The following RNF111 variants were observed in gnomAD, a reference collection of about 807,000 sequenced individuals.
The protein encoded by RNF111 is E3 ubiquitin-protein ligase Arkadia.
A neutral mutation model predicts 95.1 loss-of-function variants in RNF111; 17 were observed. That is an observed-to-expected ratio of 0.18 (90% CI 0.12 to 0.27). RNF111 has a LOEUF of 0.27. Among genes scored for constraint, RNF111 ranks in the 10% least tolerant of loss-of-function variants. The pLI is 1.00. For synonymous variants in RNF111, 440 were observed against 414.8 expected (o/e 1.06, Z -0.74); for missense variants, 1,189 against 1,210.4 (o/e 0.98, Z 0.26).
At chr15:59,028,717 T>C (rs1450334165) in intron 1 of RNF111, among the ~76,000 whole-genome samples, 1 of 152,234 alleles carries the variant, frequency 6.6e-6, no homozygotes, top group Non-Finnish European at 1.5e-5. Flanking sequence ...AATATGTGTT[T>C]TCATTTCTCT....
At chr15:59,007,286 T>C (rs1231799866) in intron 1 of RNF111, among the ~76,000 whole-genome samples, 1 of 151,762 alleles carries the variant, frequency 6.6e-6, no homozygotes, top group Non-Finnish European at 1.5e-5. Flanking sequence ...TTTTTTTTAC[T>C]TTAGGTTAGC....
At chr15:59,054,327 C>T (rs960453797) in intron 3 of RNF111, among the ~76,000 whole-genome samples, 1 of 152,090 alleles carries the variant, frequency 6.6e-6, no homozygotes, top group Non-Finnish European at 1.5e-5. Context: ...GCCACTAATA[C>T]CTCCTTGAGA....
Position 59,052,292 on chromosome 15 carries a change from T to C in RNF111, c.881-13T>C. 2 of 1,550,674 alleles carry C rather than the reference T, an allele frequency of 1.3e-6. No homozygotes were observed. Among genetic ancestry groups the C allele is most frequent in the African/African-American group, 1.4e-5 (1 of 72,100 alleles). ...GGAAGATGCCTTTAAATGTTTTTTC[T>C]TTTTGTTTCCAGGAAGTATTGATGA... is the stretch of plus-strand genomic sequence containing the variant. On this transcript the variant is annotated splice_polypyrimidine_tract_variant and intron_variant, in intron 2 of 13. Transcript: ENST00000348370.
intron 1 of RNF111, among the ~76,000 whole-genome samples, chr15:59,016,146 TA>T (rs1196716784): frequency 3.3e-5 from 5 of 150,770 alleles, no homozygotes; most frequent in African/African-American, 1.2e-4. Flanking sequence ...CAATTTTGGT[TA>T]AAAAATATAT....
intron 2 of RNF111, among the ~76,000 whole-genome samples, chr15:59,051,771 CAATAAATA>C (rs56358103): frequency 2.7e-4 from 40 of 149,794 alleles, no homozygotes; most frequent in Admixed American, 6.0e-4. Flanking sequence ...GAAACTGTCT[CAATAAATA>C]AATAAATAAA....
chr15:58,993,555 C>T (rs1423101599), intron 1 of RNF111, among the ~76,000 whole-genome samples: 1 of 152,054 alleles, frequency 6.6e-6, no homozygotes, highest in Non-Finnish European at 1.5e-5. Flanking sequence ...GTGAAAGTAC[C>T]ATATTTAAGT....
intron 7 of RNF111, among the ~76,000 whole-genome samples, chr15:59,079,120 C>G (rs1226683402): frequency 1.3e-5 from 2 of 152,134 alleles, no homozygotes; most frequent in East Asian, 3.9e-4. Flanking sequence ...GGTCAGCAAC[C>G]TGTTTTGTTT....
intron 1 of RNF111, among the ~76,000 whole-genome samples, chr15:59,015,420 A>G (rs2040019517): frequency 6.6e-6 from 1 of 152,172 alleles, no homozygotes; most frequent in South Asian, 2.1e-4. Flanking sequence ...TAATATTGTT[A>G]GTCACAATTG....
rs150187404 is a variant in RNF111, at chr15:59,031,422, C to G, written c.600C>G (p.Pro200=). ...ESVSGLLMKR[P]CLHGSSLRRL... ...TATCGGGATTGTTAATGAAAAGACCCTGTTTACATGGCAGTTCGTTACGGA... is the reference window on the plus strand; with the variant it reads ...TATCGGGATTGTTAATGAAAAGACCGTGTTTACATGGCAGTTCGTTACGGA... The change falls in exon 2 of 14, where the codon CCC becomes CCG. Residue 200 remains proline, a synonymous_variant. Transcript: ENST00000348370. 6.8e-5 allele frequency: 109 copies of G among 1,614,166 alleles called. No individual in the cohort carries two copies. The African/African-American group carries it at 1.3e-3, about 20-fold the overall frequency.
Position 59,067,034 on chromosome 15 carries a change from A to G in RNF111, c.1637A>G (p.Gln546Arg), listed in dbSNP as rs1287989318. The change falls in exon 6 of 14, where the codon CAA becomes CGA. Residue 546 changes from glutamine to arginine, a missense_variant. By Grantham distance (43) the Gln-to-Arg change is conservative (BLOSUM62 1). This residue lies in a region of RNF111 where 1,024 missense variants were observed against 925.9 expected (regional missense o/e 1.11). Transcript: ENST00000348370. ...CCTGTGGAAAGACCTCCACAAGTAC[A>G]AGCACCTTGTGGAGCAAATAGTAGT... ...ACPVERPPQV[Q>R]APCGANSSSG... 5.0e-6 allele frequency: 8 copies of G among 1,614,078 alleles called. No homozygotes were observed. The highest frequency in any genetic ancestry group is 6.8e-6 in the Non-Finnish European group (8 of 1,179,992).
chr15:59,024,764 C>T (rs2040516027), intron 1 of RNF111, among the ~76,000 whole-genome samples: 1 of 152,096 alleles, frequency 6.6e-6, no homozygotes. Context: ...GCAACATCTC[C>T]ATCTATTTCC....
At chr15:59,088,342 A>G (rs1310696642) in intron 10 of RNF111, among the ~76,000 whole-genome samples, 1 of 152,156 alleles carries the variant, frequency 6.6e-6, no homozygotes, top group Non-Finnish European at 1.5e-5. Flanking sequence ...ATAATTTGGG[A>G]TGCAGGAGTT....
chr15:59,069,515 T>A (rs2042815831), intron 6 of RNF111, among the ~76,000 whole-genome samples: 1 of 152,182 alleles, frequency 6.6e-6, no homozygotes, highest in South Asian at 2.1e-4. Context: ...TTGAGTCAGT[T>A]GTAGGTAGGA....
At chr15:58,998,191 C>T (rs1361861982) in intron 1 of RNF111, among the ~76,000 whole-genome samples, 1 of 152,038 alleles carries the variant, frequency 6.6e-6, no homozygotes, top group African/African-American at 2.4e-5. Context: ...GCATGAGCCA[C>T]CGTGTCTGGC....
rs552603579 is a variant in RNF111, at chr15:59,095,886, A to G, written c.*986A>G. Reference sequence around the variant, plus strand: ...CTGGCAGGTATCTGTGCATTCATAGAACTTATAAAGGTCCCAGGATCACTT... The same window carrying G: ...CTGGCAGGTATCTGTGCATTCATAGGACTTATAAAGGTCCCAGGATCACTT... On this transcript the variant is annotated 3_prime_UTR_variant, in exon 14 of 14. Transcript: ENST00000348370. 1.0e-5 allele frequency: 4 copies of G among 396,926 alleles called. No individual in the cohort carries two copies. The highest frequency in any genetic ancestry group is 4.4e-5 in the Admixed American group (1 of 22,716). 24.6% of individuals were successfully genotyped at this position (396,926 alleles called of 1,614,324 possible).
chr15:59,085,931 T>C (rs1314009558), intron 10 of RNF111, 146 bp downstream of exon 10: 2 of 693,978 alleles, frequency 2.9e-6, no homozygotes, highest in Non-Finnish European at 4.6e-6. Context: ...TATAAAAAGG[T>C]ATTAGATGTA....
intron 1 of RNF111, among the ~76,000 whole-genome samples, chr15:58,999,325 A>C (rs1297341885): frequency 6.6e-6 from 1 of 152,176 alleles, no homozygotes; most frequent in East Asian, 1.9e-4. Flanking sequence ...TATTAGATAT[A>C]ATGGGTTTGC....
At chr15:59,016,732 C>T (rs1321792925) in intron 1 of RNF111, among the ~76,000 whole-genome samples, 3 of 152,174 alleles carry the variant, frequency 2.0e-5, no homozygotes, top group Non-Finnish European at 4.4e-5. Flanking sequence ...CCCTGGGCCA[C>T]GGACTGGTAC....
At chr15:59,044,189 C>T (rs1444815639) in intron 2 of RNF111, among the ~76,000 whole-genome samples, 1 of 152,152 alleles carries the variant, frequency 6.6e-6, no homozygotes, top group Non-Finnish European at 1.5e-5. Context: ...CATCACCATG[C>T]CCAGCTCATT....
Sources: allele counts gnomAD v4.1 joint callset (sites outside exome capture counted in the v4.1 genomes callset), GRCh38; gene constraint gnomAD v4.1.1; regional missense constraint gnomAD v4.1.1; transcripts MANE v1.5; gene names NCBI Gene and HGNC (gene_info 2026-07-23, HGNC 2026-07-21).